INTS15: variants seen among roughly 807,000 people sequenced by gnomAD.
INTS15 encodes the protein uncharacterized protein C7orf26.
the INTS15 span, among the ~76,000 whole-genome samples, chr7:6,602,419 G>A: frequency 6.6e-6 from 1 of 152,148 alleles, no homozygotes; most frequent in Admixed American, 6.6e-5. Context: ...TGGCGCAGGG[G>A]GCCCTCTGTT....
chr7:6,608,406 T>C, the INTS15 span: 1 of 1,381,746 alleles, frequency 7.2e-7, no homozygotes, highest in African/African-American at 1.5e-5. Context: ...TTTTAAAAGA[T>C]GCCGATCCTG....
the INTS15 span, among the ~76,000 whole-genome samples, chr7:6,599,409 G>C: frequency 6.6e-6 from 1 of 152,000 alleles, no homozygotes; most frequent in Non-Finnish European, 1.5e-5. Flanking sequence ...GGCCACCATT[G>C]CTGTCACTGC....
chr7:6,599,328 TCCAA>T, the INTS15 span, among the ~76,000 whole-genome samples: 94 of 152,220 alleles, frequency 6.2e-4, no homozygotes, highest in East Asian at 0.015. Context: ...AGATGAGGGT[TCCAA>T]GTTTGGGGTT....
chr7:6,595,609 A>G, the INTS15 span, among the ~76,000 whole-genome samples: 5,208 of 152,300 alleles, frequency 0.034, 106 homozygotes, highest in Middle Eastern at 0.051. Flanking sequence ...AGCAAGCTCT[A>G]GTGTCTGTGA....
At chr7:6,608,050 G>T in the INTS15 span, 2 of 1,595,628 alleles carry the variant, frequency 1.3e-6, no homozygotes, top group Non-Finnish European at 1.7e-6. Context: ...ACACGCCCCC[G>T]CTGGGCTACG....
the INTS15 span, chr7:6,600,121 C>T: frequency 6.2e-7 from 1 of 1,614,198 alleles, no homozygotes; most frequent in East Asian, 2.2e-5. Context: ...CAAAACTCCA[C>T]CTCAGCGTCC....
At chr7:6,596,593 G>T in the INTS15 span, among the ~76,000 whole-genome samples, 1 of 151,364 alleles carries the variant, frequency 6.6e-6, no homozygotes, top group East Asian at 1.9e-4. Context: ...TGGCCAGGTT[G>T]GTCTTGAACT....
chr7:6,599,757 T>C, the INTS15 span: 1 of 1,484,532 alleles, frequency 6.7e-7, no homozygotes, highest in Non-Finnish European at 9.2e-7. Flanking sequence ...GGGGTCAGGC[T>C]TCCCTCTCTC....
the INTS15 span, chr7:6,594,403 G>GT: frequency 3.0e-5 from 48 of 1,612,602 alleles, no homozygotes; most frequent in Non-Finnish European, 3.8e-5. Flanking sequence ...CACGACATCT[G>GT]TAGTTAAGTG....
At chr7:6,600,224 G>A in the INTS15 span, 4 of 1,614,222 alleles carry the variant, frequency 2.5e-6, no homozygotes, top group East Asian at 2.2e-5. Flanking sequence ...GGTCCCGCTG[G>A]TAGAGGAGAT....
At chr7:6,606,492 C>T in the INTS15 span, among the ~76,000 whole-genome samples, 5 of 152,058 alleles carry the variant, frequency 3.3e-5, no homozygotes, top group East Asian at 1.9e-4. Flanking sequence ...GAGTAGAACC[C>T]GGCAGGCTGG....
chr7:6,608,057 T>C, the INTS15 span: 1 of 1,598,260 alleles, frequency 6.3e-7, no homozygotes, highest in Non-Finnish European at 8.5e-7. Flanking sequence ...CCCGCTGGGC[T>C]ACGGGGCTGT....
At chr7:6,607,033 GTT>G in the INTS15 span, among the ~76,000 whole-genome samples, 3 of 152,048 alleles carry the variant, frequency 2.0e-5, no homozygotes, top group Non-Finnish European at 4.4e-5. This position sits in a 1 kb window ranked among gnomAD's most constrained non-coding sequence, Gnocchi z 6.0. Context: ...CCCATGGGGA[GTT>G]GGTCGTTTCC....
the INTS15 span, among the ~76,000 whole-genome samples, chr7:6,604,025 C>A: frequency 6.6e-6 from 1 of 152,078 alleles, no homozygotes; most frequent in South Asian, 2.1e-4. Context: ...AGTGAAAACA[C>A]AGAATGCACT....
the INTS15 span, chr7:6,608,220 G>C: frequency 6.5e-7 from 1 of 1,529,792 alleles, no homozygotes; most frequent in African/African-American, 1.4e-5. Context: ...GATGGAAGGG[G>C]TGGCCGGACT....
the INTS15 span, among the ~76,000 whole-genome samples, chr7:6,596,772 A>T: frequency 6.6e-6 from 1 of 151,060 alleles, no homozygotes; most frequent in East Asian, 2.0e-4. Flanking sequence ...TCGTACGCTA[A>T]TTTCTTTCTT....
At chr7:6,594,330 G>A in the INTS15 span, 1 of 1,142,444 alleles carries the variant, frequency 8.8e-7, no homozygotes, top group Non-Finnish European at 1.3e-6. Flanking sequence ...TTTTTGTCTT[G>A]GAAGTGGTTC....
At chr7:6,594,725 T>G in the INTS15 span, 1 of 895,212 alleles carries the variant, frequency 1.1e-6, no homozygotes, top group East Asian at 2.7e-5. Context: ...AAATGTATAT[T>G]TTTATTTTTA....
At chr7:6,601,032 A>G in the INTS15 span, among the ~76,000 whole-genome samples, 1 of 152,126 alleles carries the variant, frequency 6.6e-6, no homozygotes, top group African/African-American at 2.4e-5. Flanking sequence ...CAGTGGCACG[A>G]TCGTAGCTCG....
Sources: allele counts gnomAD v4.1 joint callset (sites outside exome capture counted in the v4.1 genomes callset), GRCh38; gene constraint gnomAD v4.1.1; non-coding constraint Gnocchi (gnomAD v3.1); transcripts MANE v1.5; gene names NCBI Gene and HGNC (gene_info 2026-07-23, HGNC 2026-07-21).